The following MFSD6 variants were observed in gnomAD, a reference collection of about 807,000 sequenced individuals.
MFSD6 encodes the protein major facilitator superfamily domain-containing protein 6.
MFSD6 carries 26 observed loss-of-function variants against 56.3 expected under a neutral mutation model. That is an observed-to-expected ratio of 0.46 (90% CI 0.34 to 0.64). MFSD6 has a LOEUF of 0.64. Among genes scored for constraint, MFSD6 ranks in the 30% least tolerant of loss-of-function variants. The pLI, the probability that MFSD6 is intolerant of heterozygous loss-of-function variation, is 0.01. For synonymous variants in MFSD6, 331 were observed against 366.9 expected (o/e 0.90, Z 1.12); for missense variants, 750 against 986.2 (o/e 0.76, Z 3.21).
chr2:190,494,764 G>T lies in MFSD6; in HGVS notation c.1892-2675G>T, dbSNP rs1450279368. Among the ~76,000 whole-genome samples the T allele has an allele frequency of 6.6e-6, 1 of 152,008 alleles. No homozygotes were observed. The highest frequency in any genetic ancestry group is 1.5e-5 in the Non-Finnish European group (1 of 67,916). ...AAACAAAAATCACATGATCATCTCA[G>T]TAGACGCAGAAAAAGCATTTGATGA... On this transcript the variant is annotated intron_variant, in intron 6 of 7. Transcript: ENST00000392328. The surrounding 1 kb of genome is among the most constrained non-coding windows in gnomAD (Gnocchi z 5.7).
rs774602984 is a variant in MFSD6 at position 190,499,652 on chromosome 2, T to C, written c.2173-363T>C. On this transcript the variant is annotated intron_variant, in intron 7 of 7. Transcript: ENST00000392328. This position sits in a 1 kb window ranked among gnomAD's most constrained non-coding sequence, Gnocchi z 6.0. ...GATTCTGTGGTCTTAGCAAGCGGCC[T>C]GAGTTTCAGTTATTCCATAGTGCTT... 6.6e-6 allele frequency among the ~76,000 whole-genome samples: 1 copy of C among 152,262 alleles called. No homozygotes were observed.
intron 3 of MFSD6, among the ~76,000 whole-genome samples, chr2:190,468,758 C>A (rs1440830931): frequency 6.6e-6 from 1 of 151,818 alleles, no homozygotes; most frequent in African/African-American, 2.4e-5. Flanking sequence ...TACACTCAGT[C>A]AGGAATGATT....
rs1233299305 is a variant in MFSD6 at position 190,445,325 on chromosome 2, TGTTA to T, written c.1532+7768_1532+7771del. 4.6e-5 allele frequency among the ~76,000 whole-genome samples: 7 copies of T among 152,178 alleles called. No individual in the cohort carries two copies. The East Asian group carries it at 9.7e-4, about 21-fold the overall frequency. ...GTGGGGGGATTTGGTGGCATTTGAG[TGTTA>T]GTTCCATTTAACTCATCAGAGTATT... On this transcript the variant is annotated intron_variant, in intron 3 of 7. Transcript: ENST00000392328.
rs771020176 is a variant in MFSD6 at position 190,457,453 on chromosome 2, A to C, written c.1533-12305A>C. Among the ~76,000 whole-genome samples, 10 of 152,310 alleles carry C rather than the reference A, an allele frequency of 6.6e-5. No homozygotes were observed. Among genetic ancestry groups the C allele is most frequent in the Non-Finnish European group, 1.2e-4 (8 of 68,024 alleles). ...CAGACTTTGCGTGTTTTTTGCTGAC[A>C]AGTCAAAAATGTGCACAAAGCCATT... On this transcript the variant is annotated intron_variant, in intron 3 of 7. Coordinates refer to ENST00000392328, the MANE Select transcript of MFSD6 (RefSeq NM_017694.4). The surrounding 1 kb of genome is among the most constrained non-coding windows in gnomAD (Gnocchi z 5.1).
intron 3 of MFSD6, among the ~76,000 whole-genome samples, chr2:190,453,886 AATT>A (rs1424541278): frequency 6.6e-6 from 1 of 152,186 alleles, no homozygotes; most frequent in Non-Finnish European, 1.5e-5. Context: ...CAAACAAATC[AATT>A]ATTATCATAC....
At chr2:190,453,039 T>C (rs1686838677) in intron 3 of MFSD6, among the ~76,000 whole-genome samples, 1 of 152,130 alleles carries the variant, frequency 6.6e-6, no homozygotes, top group Admixed American at 6.6e-5. Flanking sequence ...CATATTCCTG[T>C]GTCATGGAGC....
rs768070985 is a variant in MFSD6 at position 190,425,502 on chromosome 2, C to T, written c.-54+10089C>T. 6.6e-5 allele frequency among the ~76,000 whole-genome samples: 10 copies of T among 152,260 alleles called. No homozygotes were observed. The highest frequency in any genetic ancestry group is 1.0e-4 in the Non-Finnish European group (7 of 67,994). On this transcript the variant is annotated intron_variant, in intron 2 of 7. Transcript: ENST00000392328. The surrounding 1 kb of genome is among the most constrained non-coding windows in gnomAD (Gnocchi z 4.3). ...TGATCTTTATCAAATTGAGAACATT[C>T]CCCTCTGTTCTTAGTTTTCTGAGAC...
In MFSD6 at chr2:190,497,533, G is replaced by C; in HGVS notation, c.1986G>C (p.Met662Ile). ...DLVQQQTEDV[M>I]PRIEPRLPPK... ...TACAGCAACAGACAGAAGATGTCAT[G>C]CCACGCATTGAGCCCAGACTTCCAC... Residue 662 changes from methionine to isoleucine, a missense_variant, in exon 7 of 8, where the codon ATG becomes ATC. This residue lies in a region of MFSD6 where 172 missense variants were observed against 203.9 expected (regional missense o/e 0.84). Coordinates refer to ENST00000392328, the MANE Select transcript of MFSD6 (RefSeq NM_017694.4). The surrounding 1 kb of genome is among the most constrained non-coding windows in gnomAD (Gnocchi z 5.2). 2 of 1,614,174 alleles carry C rather than the reference G, an allele frequency of 1.2e-6. No individual in the cohort carries two copies. The highest frequency in any genetic ancestry group is 2.2e-5 in the East Asian group (1 of 44,886).
rs1246531437 is a variant in MFSD6 at position 190,501,307 on chromosome 2, T to C, written c.*1089T>C. ...ATGGCAATAAGTAGCAACTATACTT[T>C]CCAATGACTAAAGAAAGAAAATCTC... On this transcript the variant is annotated 3_prime_UTR_variant, in exon 8 of 8. Coordinates refer to ENST00000392328, the MANE Select transcript of MFSD6 (RefSeq NM_017694.4). 1 of 152,174 alleles carries C rather than the reference T, an allele frequency of 6.6e-6. No individual in the cohort carries two copies. The highest frequency in any genetic ancestry group is 6.5e-5 in the Admixed American group (1 of 15,268). The allele number at this position is 152,174 out of a possible 1,614,324, so 9.4% of individuals were successfully genotyped here.
rs1190733045 is a variant in MFSD6, at chr2:190,465,058, T to A, written c.1533-4700T>A. 4.7e-5 allele frequency: 15 copies of A among 316,996 alleles called. 1 individual carries two copies. The highest frequency in any genetic ancestry group is 6.9e-5 in the Non-Finnish European group (15 of 218,018). 19.6% of individuals were successfully genotyped at this position (316,996 alleles called of 1,614,324 possible). On this transcript the variant is annotated intron_variant, in intron 3 of 7. Coordinates refer to ENST00000392328, the MANE Select transcript of MFSD6 (RefSeq NM_017694.4). The surrounding 1 kb of genome is among the most constrained non-coding windows in gnomAD (Gnocchi z 4.6). ...AACACTCTTGAAAAAAATACCAGTT[T>A]TATTATAAGATAACCACAAATCAGC...
At chr2:190,427,102 C>A (rs925972298) in intron 2 of MFSD6, among the ~76,000 whole-genome samples, 1 of 152,214 alleles carries the variant, frequency 6.6e-6, no homozygotes, top group Non-Finnish European at 1.5e-5. Flanking sequence ...GGTGAAAGTC[C>A]TGATTCTCTA....
rs567140149 is a variant in MFSD6, at chr2:190,465,730, C to G, written c.1533-4028C>G. ...GTTTATGGCCGGGCGTGGTGGCTCA[C>G]GCCTATAATCCCAGCACTTTGGGAG... On this transcript the variant is annotated intron_variant, in intron 3 of 7. Coordinates refer to ENST00000392328, the MANE Select transcript of MFSD6 (RefSeq NM_017694.4). This position sits in a 1 kb window ranked among gnomAD's most constrained non-coding sequence, Gnocchi z 4.6. Among the ~76,000 whole-genome samples the G allele has an allele frequency of 6.6e-6, 1 of 152,036 alleles. No homozygotes were observed. The highest frequency in any genetic ancestry group is 2.4e-5 in the African/African-American group (1 of 41,406).
chr2:190,477,912 A>G (rs1688433186), intron 4 of MFSD6, among the ~76,000 whole-genome samples: 1 of 151,854 alleles, frequency 6.6e-6, no homozygotes, highest in South Asian at 2.1e-4. Context: ...ATAGGAATCT[A>G]CCAGGTGGTC....
intron 3 of MFSD6, among the ~76,000 whole-genome samples, chr2:190,445,641 A>G (rs964298834): frequency 2.6e-5 from 4 of 152,146 alleles, no homozygotes; most frequent in African/African-American, 9.7e-5. Flanking sequence ...TAAAAGACAG[A>G]ATAATTTATT....
rs1283420459 is a variant in MFSD6 at position 190,451,482 on chromosome 2, G to T, written c.1532+13921G>T. On this transcript the variant is annotated intron_variant, in intron 3 of 7. Transcript: ENST00000392328. The surrounding 1 kb of genome is among the most constrained non-coding windows in gnomAD (Gnocchi z 5.0). ...GGAATCTGTAATAAGAAAGATAAAG[G>T]TCAGTCCTCGTGGGACTCACATTCT... 6.6e-6 allele frequency among the ~76,000 whole-genome samples: 1 copy of T among 152,208 alleles called. No homozygotes were observed. The highest frequency in any genetic ancestry group is 1.9e-4 in the East Asian group (1 of 5,198).
Position 190,461,225 on chromosome 2 carries a change from T to G in MFSD6, c.1533-8533T>G, listed in dbSNP as rs1178900284. On this transcript the variant is annotated intron_variant, in intron 3 of 7. Coordinates refer to ENST00000392328, the MANE Select transcript of MFSD6 (RefSeq NM_017694.4). The surrounding 1 kb of genome is among the most constrained non-coding windows in gnomAD (Gnocchi z 5.5). Reference sequence around the variant, plus strand: ...CATGGGTCAGACATCACACATCATTTAATGGGTCTGTTTCTACTGCATGAA... The same window carrying G: ...CATGGGTCAGACATCACACATCATTGAATGGGTCTGTTTCTACTGCATGAA... Among the ~76,000 whole-genome samples the G allele has an allele frequency of 6.6e-6, 1 of 152,216 alleles. No homozygotes were observed. Among genetic ancestry groups the G allele is most frequent in the Admixed American group, 6.5e-5 (1 of 15,280 alleles).
rs532673212 is a variant in MFSD6 at position 190,499,846 on chromosome 2, G to T, written c.2173-169G>T. On this transcript the variant is annotated intron_variant, in intron 7 of 7. Coordinates refer to ENST00000392328, the MANE Select transcript of MFSD6 (RefSeq NM_017694.4). This position sits in a 1 kb window ranked among gnomAD's most constrained non-coding sequence, Gnocchi z 6.0. ...GGCTCTGGCAGTTGCACATAGGAAAGGAGATGAAAGGTAAGACATTCTATC... is the reference window on the plus strand; with the variant it reads ...GGCTCTGGCAGTTGCACATAGGAAATGAGATGAAAGGTAAGACATTCTATC... 3 of 1,546,304 alleles carry T rather than the reference G, an allele frequency of 1.9e-6. No individual in the cohort carries two copies. Among genetic ancestry groups the T allele is most frequent in the Non-Finnish European group, 2.6e-6 (3 of 1,144,358 alleles).
chr2:190,460,473 A>G (rs751655459), intron 3 of MFSD6, among the ~76,000 whole-genome samples: 1 of 152,178 alleles, frequency 6.6e-6, no homozygotes, highest in Non-Finnish European at 1.5e-5. Flanking sequence ...AGTATGTTCA[A>G]TAAGTATTTG....
At position 190,494,753 on chromosome 2, in the gene MFSD6, T is replaced by C. The variant is rs1689567338; in HGVS notation, c.1892-2686T>C. On this transcript the variant is annotated intron_variant, in intron 6 of 7. Coordinates refer to ENST00000392328, the MANE Select transcript of MFSD6 (RefSeq NM_017694.4). This position sits in a 1 kb window ranked among gnomAD's most constrained non-coding sequence, Gnocchi z 5.7. ...AACAGAATTAAAAACAAAAATCACA[T>C]GATCATCTCAGTAGACGCAGAAAAA... Among the ~76,000 whole-genome samples, 1 of 152,148 alleles carries C rather than the reference T, an allele frequency of 6.6e-6. No homozygotes were observed. The highest frequency in any genetic ancestry group is 2.4e-5 in the African/African-American group (1 of 41,444).
Sources: gnomAD v4.1 joint callset for allele counts (sites outside exome capture counted in the v4.1 genomes callset) on GRCh38, gnomAD v4.1.1 for gene constraint, gnomAD v4.1.1 regional missense constraint, Gnocchi (gnomAD v3.1) non-coding constraint, MANE v1.5 for transcripts, NCBI Gene and HGNC (gene_info 2026-07-23, HGNC 2026-07-21) for gene names.